The following ZNF490 variants were observed in gnomAD, a reference collection of about 807,000 sequenced individuals.
ZNF490 encodes zinc finger protein 490.
In ZNF490, 11 loss-of-function variants were observed where a neutral mutation model predicts 17.7. The ratio of observed to expected loss-of-function variants is 0.62; its 90% CI spans 0.39 to 1.03. ZNF490 has a LOEUF of 1.03. Among genes scored for constraint, ZNF490 ranks in the 50% least tolerant of loss-of-function variants. The probability of loss-of-function intolerance (pLI) is 0.00; values close to 1 mark genes in which losing one functional copy is unlikely to be tolerated. For missense variants in ZNF490, 542 were observed against 643.4 expected (o/e 0.84, Z 1.71); for synonymous variants, 222 against 216.1 (o/e 1.03, Z -0.24).
intron 4 of ZNF490, among the ~76,000 whole-genome samples, 161 bp downstream of exon 4, chr19:12,582,689 T>C (rs1359154914): frequency 6.6e-6 from 1 of 152,078 alleles, no homozygotes; most frequent in Non-Finnish European, 1.5e-5. Context: ...CCACCACGCC[T>C]GGCTGCCCAT....
intron 2 of ZNF490, among the ~76,000 whole-genome samples, chr19:12,590,504 G>A (rs1246904599): frequency 1.3e-5 from 2 of 152,074 alleles, no homozygotes; most frequent in African/African-American, 4.8e-5. Context: ...TTACAGGCAT[G>A]AGCCACCGTG....
rs2023035979 is a variant in ZNF490 at position 12,603,843 on chromosome 19, G to A, written c.162+5315C>T. 5.3e-5 allele frequency among the ~76,000 whole-genome samples: 8 copies of A among 151,554 alleles called. No individual in the cohort carries two copies. In the South Asian group the frequency reaches 1.7e-3, roughly 32 times the overall value. ...CAGTTCTTAAAATAGCTCTAGAAGA[G>A]TTCCAGAGTGACAGGTGGAAGAAAT... is the stretch of plus-strand genomic sequence containing the variant. On this transcript the variant is annotated intron_variant, in intron 2 of 4. Coordinates refer to ENST00000311437, the MANE Select transcript of ZNF490 (RefSeq NM_020714.3).
rs1464360483 is a variant in ZNF490, at chr19:12,583,477, A to G, written c.242T>C (p.Ile81Thr). ...WALLDPGQRN[I>T]YRDVMRATFK... ...GGTTGCCCGCATCACATCTCTGTAG[A>G]TATTCCTCTGGCCAGGATCCAGCAA... The change falls in exon 3 of 5, where the codon ATC becomes ACC. Residue 81 changes from isoleucine to threonine, a missense_variant. Physicochemically the swap from Ile to Thr is moderately conservative, Grantham distance 89. Coordinates refer to ENST00000311437, the MANE Select transcript of ZNF490 (RefSeq NM_020714.3). 6.2e-6 allele frequency: 10 copies of G among 1,607,326 alleles called. No homozygotes were observed. Among genetic ancestry groups the G allele is most frequent in the Non-Finnish European group, 7.7e-6 (9 of 1,175,714 alleles).
intron 2 of ZNF490, among the ~76,000 whole-genome samples, chr19:12,594,657 C>T (rs1283190964): frequency 1.3e-5 from 2 of 152,016 alleles, no homozygotes; most frequent in Non-Finnish European, 2.9e-5. Context: ...GACTGTGTTA[C>T]CTCCTGAACA....
intron 2 of ZNF490, among the ~76,000 whole-genome samples, chr19:12,592,879 T>C (rs938637609): frequency 6.6e-6 from 1 of 152,300 alleles, no homozygotes; most frequent in African/African-American, 2.4e-5. Flanking sequence ...TAAAGTCTAC[T>C]AGAAAAAGAA....
Position 12,577,037 on chromosome 19 carries a change from G to C in ZNF490, c.*3448C>G, listed in dbSNP as rs2022651023. On this transcript the variant is annotated 3_prime_UTR_variant, in exon 5 of 5. Transcript: ENST00000311437. ...CCAGGTGTTCTGATCTCTTCTCCAGGTTTCTCTGGCTCCTCGGGAATAACC... is the reference window on the plus strand; with the variant it reads ...CCAGGTGTTCTGATCTCTTCTCCAGCTTTCTCTGGCTCCTCGGGAATAACC... Among the ~76,000 whole-genome samples, 1 of 151,988 alleles carries C rather than the reference G, an allele frequency of 6.6e-6. No individual in the cohort carries two copies. The highest frequency in any genetic ancestry group is 1.5e-5 in the Non-Finnish European group (1 of 68,006).
chr19:12,595,850 T>C (rs976624522), intron 2 of ZNF490, among the ~76,000 whole-genome samples: 1 of 151,998 alleles, frequency 6.6e-6, no homozygotes, highest in Non-Finnish European at 1.5e-5. Context: ...CGCAGGAGGC[T>C]GAGGCAGGGA....
intron 2 of ZNF490, among the ~76,000 whole-genome samples, chr19:12,584,883 G>C (rs979783521): frequency 1.1e-5 from 1 of 93,706 alleles, no homozygotes; most frequent in African/African-American, 3.2e-5. Context: ...TTTATCATAG[G>C]TTCAGTTTTT....
At chr19:12,608,661 A>G (rs2145170725) in intron 2 of ZNF490, among the ~76,000 whole-genome samples, 1 of 152,156 alleles carries the variant, frequency 6.6e-6, no homozygotes, top group East Asian at 1.9e-4. Context: ...TTTTTAATAG[A>G]GATGAGGTTT....
Position 12,580,221 on chromosome 19 carries a change from T to C in ZNF490, c.*264A>G, listed in dbSNP as rs2022708805. 2 of 1,212,770 alleles carry C rather than the reference T, an allele frequency of 1.6e-6. No homozygotes were observed. The highest frequency in any genetic ancestry group is 1.5e-5 in the African/African-American group (1 of 65,054). 75.1% of individuals were successfully genotyped at this position (1,212,770 alleles called of 1,614,324 possible). A position where few individuals can be genotyped will look rare whatever the true frequency, so the allele number is the denominator to read the frequency against. On this transcript the variant is annotated 3_prime_UTR_variant, in exon 5 of 5. Coordinates refer to ENST00000311437, the MANE Select transcript of ZNF490 (RefSeq NM_020714.3). ...GGTGTCTTTAAAAGATTACGTGAAG[T>C]GAAGGCTTTCCTACACTCCATACAT...
intron 2 of ZNF490, among the ~76,000 whole-genome samples, chr19:12,607,373 A>T (rs900358785): frequency 1.3e-5 from 2 of 151,872 alleles, no homozygotes; most frequent in East Asian, 1.9e-4. Context: ...GAATTTTTTT[A>T]AAATTAGCCA....
At position 12,578,961 on chromosome 19, in the gene ZNF490, A is replaced by C. The variant is rs1042547688; in HGVS notation, c.*1524T>G. On this transcript the variant is annotated 3_prime_UTR_variant, in exon 5 of 5. Coordinates refer to ENST00000311437, the MANE Select transcript of ZNF490 (RefSeq NM_020714.3). ...AGTGTGGGTGGTTTCATGGTTTTAA[A>C]ATGAACTGGAGGCCGGGCGCGGTGG... is the stretch of plus-strand genomic sequence containing the variant. 2.0e-6 allele frequency: 2 copies of C among 985,400 alleles called. No individual in the cohort carries two copies. The highest frequency in any genetic ancestry group is 3.5e-5 in the African/African-American group (2 of 57,214). The allele number at this position is 985,400 out of a possible 1,614,324, so 61.0% of individuals were successfully genotyped here.
intron 2 of ZNF490, among the ~76,000 whole-genome samples, chr19:12,598,085 G>A (rs1423616409): frequency 6.6e-6 from 1 of 151,892 alleles, no homozygotes; most frequent in East Asian, 2.0e-4. Context: ...TTAGCTGGGC[G>A]TGGTGGCACG....
At chr19:12,610,316 C>T (rs1159235008) in intron 1 of ZNF490, among the ~76,000 whole-genome samples, 4 of 149,618 alleles carry the variant, frequency 2.7e-5, no homozygotes, top group Admixed American at 6.7e-5. Context: ...CGACCTCCCC[C>T]ACCGCCCCCA....
chr19:12,593,688 C>T (rs900274841), intron 2 of ZNF490, among the ~76,000 whole-genome samples: 23 of 152,124 alleles, frequency 1.5e-4, no homozygotes, highest in African/African-American at 5.6e-4. Context: ...GAATCTAGTC[C>T]TTTATTAGGT....
In ZNF490 at chr19:12,584,264, A is replaced by C. The variant is rs1202968317; in HGVS notation, c.163-708T>G. 2.6e-4 allele frequency among the ~76,000 whole-genome samples: 22 copies of C among 85,348 alleles called. 8 individuals are homozygous for C. The highest frequency in any genetic ancestry group is 8.8e-4 in the East Asian group (4 of 4,526). 56.0% of individuals were successfully genotyped at this position (85,348 alleles called of 152,430 possible). ...CTCCTCCTCCCAGGTTCCAGTGATTATCCTGCCCCAACCTCCCAAGTAGCT... is the reference window on the plus strand; with the variant it reads ...CTCCTCCTCCCAGGTTCCAGTGATTCTCCTGCCCCAACCTCCCAAGTAGCT... On this transcript the variant is annotated intron_variant, in intron 2 of 4. Coordinates refer to ENST00000311437, the MANE Select transcript of ZNF490 (RefSeq NM_020714.3).
chr19:12,608,563 C>A (rs969205191), intron 2 of ZNF490, among the ~76,000 whole-genome samples: 1 of 151,970 alleles, frequency 6.6e-6, no homozygotes, highest in Non-Finnish European at 1.5e-5. Flanking sequence ...CTCCTCCTCC[C>A]AGATTCAAGT....
At chr19:12,583,805 A>ATT (rs1568278627) in intron 2 of ZNF490, among the ~76,000 whole-genome samples, 1 of 115,286 alleles carries the variant, frequency 8.7e-6, no homozygotes, top group African/African-American at 3.5e-5. Flanking sequence ...ATATATATAT[A>ATT]TATATATTTT....
intron 1 of ZNF490, among the ~76,000 whole-genome samples, chr19:12,609,593 C>G (rs1042284806): frequency 6.6e-6 from 1 of 152,088 alleles, no homozygotes; most frequent in Non-Finnish European, 1.5e-5. Context: ...CTATGTTGCC[C>G]AGGCTGGTTT....
Sources: gnomAD v4.1 joint callset for allele counts (sites outside exome capture counted in the v4.1 genomes callset) on GRCh38, gnomAD v4.1.1 for gene constraint, MANE v1.5 for transcripts, NCBI Gene and HGNC (gene_info 2026-07-23, HGNC 2026-07-21) for gene names.